CCDC171: variants seen among roughly 807,000 people sequenced by gnomAD.
CCDC171 encodes the protein coiled-coil domain containing 171, also known as coiled-coil domain-containing protein 171.
In CCDC171, 177 loss-of-function variants were observed where a neutral mutation model predicts 168.2. The observed-to-expected ratio is 1.05, with a 90% CI of 0.93 to 1.19. CCDC171 has a LOEUF of 1.19. Among genes scored for constraint, CCDC171 ranks in the 50% most tolerant of loss-of-function variants. CCDC171 has a pLI of 0.00. For synonymous variants in CCDC171, 687 were observed against 540.8 expected (o/e 1.27, Z -3.75); for missense variants, 1,991 against 1,539.0 (o/e 1.29, Z -4.91).
intron 1 of CCDC171, among the ~76,000 whole-genome samples, chr9:16,047,470 A>G (rs1405977329): frequency 6.6e-6 from 1 of 152,146 alleles, no homozygotes; most frequent in African/African-American, 2.4e-5. Context: ...TTTGGGAGTC[A>G]TTCCTCGATT....
chr9:15,588,998 C>A (rs1347847475), intron 4 of CCDC171, among the ~76,000 whole-genome samples: 1 of 151,802 alleles, frequency 6.6e-6, no homozygotes, highest in Non-Finnish European at 1.5e-5. Flanking sequence ...GCGTGAGCCA[C>A]CGCACCCAGC....
chr9:15,805,347 C>T (rs773350130), intron 21 of CCDC171, among the ~76,000 whole-genome samples: 4 of 151,684 alleles, frequency 2.6e-5, no homozygotes, highest in Non-Finnish European at 4.4e-5. Context: ...GTTGTTGACT[C>T]GAGACCTTTG....
intron 6 of CCDC171, among the ~76,000 whole-genome samples, chr9:15,600,375 G>T (rs1269214813): frequency 6.6e-6 from 1 of 152,210 alleles, no homozygotes; most frequent in African/African-American, 2.4e-5. Context: ...TTAGCTGAAG[G>T]TCTGTTGGAG....
At chr9:15,618,779 C>A (rs1244321352) in intron 6 of CCDC171, among the ~76,000 whole-genome samples, 1 of 152,102 alleles carries the variant, frequency 6.6e-6, no homozygotes, top group Non-Finnish European at 1.5e-5. Context: ...TAGCTCCTTG[C>A]ACTTCCAGGG....
At chr9:16,079,716 T>C in the CCDC171 span, among the ~76,000 whole-genome samples, 6 of 152,242 alleles carry the variant, frequency 3.9e-5, no homozygotes, top group African/African-American at 1.4e-4. Context: ...CCACTCAGTT[T>C]GTGGCACTTC....
At chr9:16,085,656 A>T in the CCDC171 span, among the ~76,000 whole-genome samples, 1 of 152,222 alleles carries the variant, frequency 6.6e-6, no homozygotes, top group African/African-American at 2.4e-5. Flanking sequence ...CTCCCCTGTG[A>T]TGCAGACAGA....
At chr9:15,631,488 T>C (rs1156596537) in intron 7 of CCDC171, among the ~76,000 whole-genome samples, 1 of 152,158 alleles carries the variant, frequency 6.6e-6, no homozygotes, top group Non-Finnish European at 1.5e-5. Flanking sequence ...GTTGACCTTC[T>C]GAATAGACCA....
chr9:15,835,944 GTCT>G (rs1323199057), intron 21 of CCDC171, among the ~76,000 whole-genome samples: 2 of 151,654 alleles, frequency 1.3e-5, no homozygotes, highest in African/African-American at 4.8e-5. Context: ...TTTTGTTATT[GTCT>G]TCAATTTTTA....
At chr9:15,677,916 A>ATATATATATG (rs2049738020) in intron 9 of CCDC171, among the ~76,000 whole-genome samples, 4 of 32,328 alleles carry the variant, frequency 1.2e-4, no homozygotes, top group Non-Finnish European at 2.0e-4. Flanking sequence ...ATATATATAT[A>ATATATATATG]TATATATATA....
At chr9:16,009,801 CA>C (rs1438006627) in intron 3 of CCDC171, among the ~76,000 whole-genome samples, 4 of 151,820 alleles carry the variant, frequency 2.6e-5, no homozygotes, top group African/African-American at 9.7e-5. Flanking sequence ...TAATTTTTAA[CA>C]AAACATATTT....
intron 21 of CCDC171, among the ~76,000 whole-genome samples, chr9:15,795,371 C>G (rs1251279761): frequency 1.3e-5 from 2 of 152,146 alleles, no homozygotes; most frequent in Admixed American, 6.5e-5. Context: ...AGCACTGTTG[C>G]ATTGGGGATT....
At chr9:15,864,565 G>C (rs2061694246) in intron 23 of CCDC171, among the ~76,000 whole-genome samples, 1 of 151,934 alleles carries the variant, frequency 6.6e-6, no homozygotes, top group Non-Finnish European at 1.5e-5. Flanking sequence ...TGCGGTGTTT[G>C]GTTTTTTGTC....
At chr9:15,761,425 T>C (rs1047474835) in intron 18 of CCDC171, among the ~76,000 whole-genome samples, 3 of 152,108 alleles carry the variant, frequency 2.0e-5, no homozygotes, top group Non-Finnish European at 4.4e-5. Context: ...TATTGAATCT[T>C]AAAAAAATTA....
chr9:15,569,136 C>T (rs1394484503), intron 2 of CCDC171, among the ~76,000 whole-genome samples: 1 of 152,216 alleles, frequency 6.6e-6, no homozygotes, highest in East Asian at 1.9e-4. Flanking sequence ...TTAACCTGGG[C>T]TCTTTTAATA....
chr9:15,703,194 C>T (rs952420400), intron 11 of CCDC171, among the ~76,000 whole-genome samples: 1 of 152,198 alleles, frequency 6.6e-6, no homozygotes, highest in African/African-American at 2.4e-5. Flanking sequence ...GCCTGAGCCA[C>T]CACGCCCGGC....
At chr9:15,676,893 A>C (rs887164245) in intron 9 of CCDC171, among the ~76,000 whole-genome samples, 1 of 152,136 alleles carries the variant, frequency 6.6e-6, no homozygotes, top group Non-Finnish European at 1.5e-5. Context: ...CAAGTCTGGA[A>C]TCTTTAGGTG....
chr9:15,639,700 C>T (rs994702224), intron 7 of CCDC171, among the ~76,000 whole-genome samples: 2 of 152,126 alleles, frequency 1.3e-5, no homozygotes, highest in Non-Finnish European at 2.9e-5. Context: ...TTTGAATTTT[C>T]TACCTTCAGA....
chr9:15,666,205 G>T lies in CCDC171; in HGVS notation c.958G>T (p.Ala320Ser), dbSNP rs138513099. 20 of 1,613,812 alleles carry T rather than the reference G, an allele frequency of 1.2e-5. No individual in the cohort carries two copies. The highest frequency in any genetic ancestry group is 5.3e-5 in the African/African-American group (4 of 75,006). ...DLEGALQVEK[A>S]SQAEAVADLE... is the part of the protein sequence containing the mutation. Reference sequence around the variant, plus strand: ...TGAAGGAGCTTTGCAAGTAGAGAAGGCCAGTCAAGCAGAAGCTGTTGCTGA... The same window carrying T: ...TGAAGGAGCTTTGCAAGTAGAGAAGTCCAGTCAAGCAGAAGCTGTTGCTGA... The change falls in exon 9 of 26, where the codon GCC (alanine) becomes TCC (serine). Residue 320 changes from alanine (A) to serine (S), a missense_variant. Ala to Ser is a moderately conservative substitution (Grantham distance 99, BLOSUM62 1). Coordinates refer to ENST00000380701, the MANE Select transcript of CCDC171 (RefSeq NM_173550.4).
intron 16 of CCDC171, among the ~76,000 whole-genome samples, chr9:15,733,343 A>G (rs1018974760): frequency 6.6e-6 from 1 of 152,116 alleles, no homozygotes; most frequent in Admixed American, 6.6e-5. Context: ...TTGATATTAC[A>G]TGTAAGAACT....
Sources: gnomAD v4.1 joint callset for allele counts (sites outside exome capture counted in the v4.1 genomes callset) on GRCh38, gnomAD v4.1.1 for gene constraint, MANE v1.5 for transcripts, NCBI Gene and HGNC (gene_info 2026-07-23, HGNC 2026-07-21) for gene names.